AHNAK2: variants seen among roughly 807,000 people sequenced by gnomAD.
AHNAK2 encodes the protein protein AHNAK2.
AHNAK2 carries 18 observed loss-of-function variants against 30.7 expected under a neutral mutation model. The observed-to-expected ratio is 0.59, with a 90% confidence interval of 0.41 to 0.87. The LOEUF (loss-of-function observed/expected upper bound fraction) is 0.87. AHNAK2 is among the 40% of genes least tolerant of loss of function. The probability of loss-of-function intolerance (pLI) is 0.00; values close to 1 mark genes in which losing one functional copy is unlikely to be tolerated. For synonymous variants in AHNAK2, 3,590 were observed against 3,073.8 expected (o/e 1.17, Z -5.56); for missense variants, 8,604 against 7,373.0 (o/e 1.17, Z -6.11).
Position 104,939,976 on chromosome 14 carries a change from G to C in AHNAK2, c.15475C>G (p.Leu5159Val). ...EGIAPTPEDP[L>V]QPSCRKPDAE... ...TCTGGTTTTCTACAGGATGGCTGGA[G>C]GGGATCTTCAGGTGTGGGGGCTATC... Residue 5159 changes from leucine to valine, a missense_variant, in exon 7 of 7, where the codon CTC becomes GTC. Coordinates refer to ENST00000333244, the MANE Select transcript of AHNAK2 (RefSeq NM_138420.4). 6.2e-7 allele frequency: 1 copy of C among 1,612,098 alleles called. No homozygotes were observed. The highest frequency in any genetic ancestry group is 1.1e-5 in the South Asian group (1 of 91,088).
intron 1 of AHNAK2, among the ~76,000 whole-genome samples, chr14:104,959,624 C>G (rs1270434706): frequency 6.6e-6 from 1 of 151,960 alleles, no homozygotes; most frequent in Non-Finnish European, 1.5e-5. Context: ...CAGAGCAAGA[C>G]TCTGTCTCAA....
At position 104,952,959 on chromosome 14, in the gene AHNAK2, C is replaced by G. The variant is rs776666854; in HGVS notation, c.2492G>C (p.Ser831Thr). Residue 831 changes from serine (S) to threonine (T), a missense_variant, in exon 7 of 7, where the codon AGC becomes ACC. Ser to Thr is a moderately conservative substitution (Grantham distance 58). Coordinates refer to ENST00000333244, the MANE Select transcript of AHNAK2 (RefSeq NM_138420.4). Reference protein sequence around the residue: ...LADKEVTAKDSKFKMPKFKMP... With the variant: ...LADKEVTAKDTKFKMPKFKMP... The stretch of plus-strand genomic sequence containing the variant: ...CTTGAACTTGGGCATTTTGAACTTG[C>G]TGTCTTTGGCAGTCACCTCCTTGTC... 5 of 1,612,506 alleles carry G rather than the reference C, an allele frequency of 3.1e-6. No individual in the cohort carries two copies. Among genetic ancestry groups the G allele is most frequent in the Non-Finnish European group, 4.2e-6 (5 of 1,179,580 alleles).
chr14:104,961,303 A>T lies in AHNAK2; in HGVS notation c.56-3631T>A, dbSNP rs185389641. Among the ~76,000 whole-genome samples, 785 of 151,842 alleles carry T rather than the reference A, an allele frequency of 5.2e-3. 6 individuals are homozygous for T. Among genetic ancestry groups the T allele is most frequent in the South Asian group, 8.3e-3 (40 of 4,808 alleles). ...GCCGAGGCGGGCGGATCACGAGGTC[A>T]GGAGATCAAAACCATCCTGGCTAAC... On this transcript the variant is annotated intron_variant, in intron 1 of 6. Coordinates refer to ENST00000333244, the MANE Select transcript of AHNAK2 (RefSeq NM_138420.4).
At chr14:104,972,757 C>T (rs1004605575) in intron 1 of AHNAK2, among the ~76,000 whole-genome samples, 4 of 152,202 alleles carry the variant, frequency 2.6e-5, no homozygotes, top group African/African-American at 9.7e-5. Flanking sequence ...AAGCACGTGC[C>T]ACTGGCTCTG....
At chr14:104,961,930 G>A (rs1006910435) in intron 1 of AHNAK2, among the ~76,000 whole-genome samples, 1 of 152,152 alleles carries the variant, frequency 6.6e-6, no homozygotes, top group South Asian at 2.1e-4. Context: ...CCAAGCTCAT[G>A]CCACTGCACT....
Position 104,944,721 on chromosome 14 carries a change from T to C in AHNAK2, c.10730A>G (p.Asp3577Gly), listed in dbSNP as rs773713235. Residue 3577 changes from aspartate to glycine, a missense_variant, in exon 7 of 7, where the codon GAT (aspartate) becomes GGT (glycine). Coordinates refer to ENST00000333244, the MANE Select transcript of AHNAK2 (RefSeq NM_138420.4). ...CAGGTCCAGCTTGGGGCCCTTAACA[T>C]CTATCTGGGGGCCCTTGAGGTCCAC... Reference protein sequence around the residue: ...PKVDLKGPQIDVKGPKLDLKG... With the variant: ...PKVDLKGPQIGVKGPKLDLKG... 3.1e-6 allele frequency: 5 copies of C among 1,611,958 alleles called. No homozygotes were observed. The highest frequency in any genetic ancestry group is 4.2e-6 in the Non-Finnish European group (5 of 1,179,304).
In AHNAK2 at chr14:104,944,633, C is replaced by A. The variant is rs763697764; in HGVS notation, c.10818G>T (p.Val3606=). Residue 3606 remains valine (V), a synonymous_variant, in exon 7 of 7, where the codon GTG becomes GTT. Coordinates refer to ENST00000333244, the MANE Select transcript of AHNAK2 (RefSeq NM_138420.4). ...GCTTGGCCTTCGGGGCCTGGACATC[C>A]ACCTCCACGCTGGGCAGAGACACCT... The part of the protein sequence containing the change: ...DVEVSLPSVE[V]DVQAPKAKLD... The A allele has an allele frequency of 2.5e-6, 4 of 1,613,316 alleles. No individual in the cohort carries two copies. The highest frequency in any genetic ancestry group is 2.5e-6 in the Non-Finnish European group (3 of 1,179,710).
Position 104,947,501 on chromosome 14 carries a change from C to G in AHNAK2, c.7950G>C (p.Met2650Ile), listed in dbSNP as rs764938055. ...TGAATGATGGCATCTTGAACTTGGG[C>G]ATTTTGAACTTGCTATCTTTGGCTG... ...GVTAKDSKFK[M>I]PKFKMPSFRV... Residue 2650 changes from methionine (M) to isoleucine (I), a missense_variant, in exon 7 of 7, where the codon ATG (methionine) becomes ATC (isoleucine). Coordinates refer to ENST00000333244, the MANE Select transcript of AHNAK2 (RefSeq NM_138420.4). 3.1e-6 allele frequency: 5 copies of G among 1,611,574 alleles called. No homozygotes were observed. The highest frequency in any genetic ancestry group is 4.2e-6 in the Non-Finnish European group (5 of 1,179,244).
At position 104,949,123 on chromosome 14, in the gene AHNAK2, G is replaced by T. The variant is rs1333283348; in HGVS notation, c.6328C>A (p.Pro2110Thr). 1 of 1,070,262 alleles carries T rather than the reference G, an allele frequency of 9.3e-7. No homozygotes were observed. Among genetic ancestry groups the T allele is most frequent in the Admixed American group, 2.1e-5 (1 of 46,978 alleles). 66.3% of individuals were successfully genotyped at this position (1,070,262 alleles called of 1,614,324 possible). A position where few individuals can be genotyped will look rare whatever the true frequency, so the allele number is the denominator to read the frequency against. ...LKDPKVEMRV[P>T]DVEVSLPSME... ...CTGGGCAGAGACACCTCGACATCGGGGACTCTCATTTCCACCTTGGGGTCT... is the reference window on the plus strand; with the variant it reads ...CTGGGCAGAGACACCTCGACATCGGTGACTCTCATTTCCACCTTGGGGTCT... The change falls in exon 7 of 7, where the codon CCC becomes ACC. Residue 2110 changes from proline to threonine, a missense_variant. Pro to Thr is a conservative substitution (Grantham distance 38). Transcript: ENST00000333244.
rs763247039 is a variant in AHNAK2, at chr14:104,949,337, A to T, written c.6114T>A (p.Ile2038=). The change falls in exon 7 of 7, where the codon ATT becomes ATA. Residue 2038 remains isoleucine, a synonymous_variant. Transcript: ENST00000333244. ...QGDLKTTDLS[I]QPPSADLKVQ... is the part of the protein sequence containing the mutation. The stretch of plus-strand genomic sequence containing the variant: ...CCTTCAGGTCGGCAGAAGGGGGCTG[A>T]ATGCTGAGGTCAGTGGTCTTCAGGT... 80 of 1,531,892 alleles carry T rather than the reference A, an allele frequency of 5.2e-5. 2 individuals carry two copies. The African/African-American group carries it at 7.9e-4, about 15-fold the overall frequency. The allele number at this position is 1,531,892 out of a possible 1,614,324, so 94.9% of individuals were successfully genotyped here. A position where few individuals can be genotyped will look rare whatever the true frequency, so the allele number is the denominator to read the frequency against.
chr14:104,942,590 G>A lies in AHNAK2; in HGVS notation c.12861C>T (p.Ala4287=), dbSNP rs372622112. The A allele has an allele frequency of 1.0e-3, 1,621 of 1,609,746 alleles. 2 individuals carry two copies. Among genetic ancestry groups the A allele is most frequent in the Non-Finnish European group, 1.3e-3 (1,521 of 1,178,130 alleles). Residue 4287 remains alanine, a synonymous_variant, in exon 7 of 7, where the codon GCC becomes GCT. Transcript: ENST00000333244. ...TGTCTTTGGCAGTCATGTCCTTGTCGGCTAGGGACAGGTCACCCTCCAGCC... is the reference window on the plus strand; with the variant it reads ...TGTCTTTGGCAGTCATGTCCTTGTCAGCTAGGGACAGGTCACCCTCCAGCC... ...SVRLEGDLSL[A]DKDMTAKDSK...
Position 104,946,809 on chromosome 14 carries a change from A to G in AHNAK2, c.8642T>C (p.Leu2881Pro). Residue 2881 changes from leucine (L) to proline (P), a missense_variant, in exon 7 of 7, where the codon CTC becomes CCC. Transcript: ENST00000333244. Reference sequence around the variant, plus strand: ...TCCCTCGGGAACGTGGCCCTCTGGGAGTTTCACGTCCACCTGGCCAGCCTG... The same window carrying G: ...TCCCTCGGGAACGTGGCCCTCTGGGGGTTTCACGTCCACCTGGCCAGCCTG... ...EVQAGQVDVK[L>P]PEGHVPEGAG... 1 of 1,611,834 alleles carries G rather than the reference A, an allele frequency of 6.2e-7. No individual in the cohort carries two copies. The highest frequency in any genetic ancestry group is 1.1e-5 in the South Asian group (1 of 91,020).
In AHNAK2 at chr14:104,948,509, T is replaced by C. The variant is rs1898442517; in HGVS notation, c.6942A>G (p.Lys2314=). 6.2e-7 allele frequency: 1 copy of C among 1,610,420 alleles called. No homozygotes were observed. The highest frequency in any genetic ancestry group is 1.7e-5 in the Admixed American group (1 of 59,786). The change falls in exon 7 of 7, where the codon AAA becomes AAG. Residue 2314 remains lysine, a synonymous_variant. Coordinates refer to ENST00000333244, the MANE Select transcript of AHNAK2 (RefSeq NM_138420.4). ...ACTTGGGCATTTTGAACTTGCTGTC[T>C]TTGGCAGTCACGTCCTTGTCGGCCA... ...MSLADKDVTA[K]DSKFKMPKFK...
Position 104,941,293 on chromosome 14 carries a change from T to A in AHNAK2, c.14158A>T (p.Ser4720Cys), listed in dbSNP as rs1435569304. Residue 4720 changes from serine to cysteine, a missense_variant, in exon 7 of 7, where the codon AGT becomes TGT. By Grantham distance (112) the Ser-to-Cys change is moderately radical. Coordinates refer to ENST00000333244, the MANE Select transcript of AHNAK2 (RefSeq NM_138420.4). ...SFSSTKTPKD[S>C]LVPGAKSSIG... ...CTAGACTTTGCACCTGGGACTAAACTATCTTTAGGAGTTTTGGTAGAAGAA... is the reference window on the plus strand; with the variant it reads ...CTAGACTTTGCACCTGGGACTAAACAATCTTTAGGAGTTTTGGTAGAAGAA... The A allele has an allele frequency of 6.2e-7, 1 of 1,613,514 alleles. No individual in the cohort carries two copies. Among genetic ancestry groups the A allele is most frequent in the Non-Finnish European group, 8.5e-7 (1 of 1,179,806 alleles).
At chr14:104,973,837 G>A (rs1899533971) in intron 1 of AHNAK2, among the ~76,000 whole-genome samples, 1 of 152,210 alleles carries the variant, frequency 6.6e-6, no homozygotes, top group South Asian at 2.1e-4. Context: ...CACACATTGG[G>A]TCAGCAGGTC....
At position 104,950,948 on chromosome 14, in the gene AHNAK2, C is replaced by G. The variant is rs76453246; in HGVS notation, c.4503G>C (p.Pro1501=). 907 of 1,457,664 alleles carry G rather than the reference C, an allele frequency of 6.2e-4. 98 individuals are homozygous for G. Among genetic ancestry groups the G allele is most frequent in the South Asian group, 3.8e-3 (320 of 84,256 alleles). 90.3% of individuals were successfully genotyped at this position (1,457,664 alleles called of 1,614,324 possible). A position where few individuals can be genotyped will look rare whatever the true frequency, so the allele number is the denominator to read the frequency against. The change falls in exon 7 of 7, where the codon CCG becomes CCC. Residue 1501 remains proline (P), a synonymous_variant. Transcript: ENST00000333244. ...TGCCTGGGGCAGACACCCCGAACGA[C>G]GGCATCTTGAACTTGGGCATTTTGA... is the stretch of plus-strand genomic sequence containing the variant. ...SKFKMPKFKM[P]SFGVSAPGKS...
intron 1 of AHNAK2, among the ~76,000 whole-genome samples, chr14:104,976,705 C>T (rs1465115061): frequency 1.3e-5 from 2 of 152,208 alleles, no homozygotes; most frequent in Non-Finnish European, 2.9e-5. Flanking sequence ...CAGCACAAGC[C>T]TCTGTGGAGG....
At chr14:104,968,380 G>A (rs974637703) in intron 1 of AHNAK2, among the ~76,000 whole-genome samples, 1 of 152,138 alleles carries the variant, frequency 6.6e-6, no homozygotes, top group Admixed American at 6.5e-5. Flanking sequence ...GTGTCTGGGG[G>A]ACGAGCAGAT....
Position 104,952,336 on chromosome 14 carries a change from C to T in AHNAK2, c.3115G>A (p.Gly1039Arg), listed in dbSNP as rs1221529915. 2.5e-6 allele frequency: 4 copies of T among 1,612,728 alleles called. 1 individual carries two copies. Among genetic ancestry groups the T allele is most frequent in the Admixed American group, 3.3e-5 (2 of 59,938 alleles). ...CTGAGGTCAGTGGTCTTCAGGTCCC[C>T]CTGCATGGAGGGGAGACTCAGGTCG... ...EADLSLPSMQ[G>R]DLKTTDLSIQ... is the part of the protein sequence containing the mutation. Residue 1039 changes from glycine to arginine, a missense_variant, in exon 7 of 7, where the codon GGG (glycine) becomes AGG (arginine). Physicochemically the swap from Gly to Arg is moderately radical, Grantham distance 125. Transcript: ENST00000333244.
Sources: allele counts gnomAD v4.1 joint callset (sites outside exome capture counted in the v4.1 genomes callset), GRCh38; gene constraint gnomAD v4.1.1; transcripts MANE v1.5; gene names NCBI Gene and HGNC (gene_info 2026-07-23, HGNC 2026-07-21).